Variants in DIAPH2 observed in about 807,000 individuals in gnomAD.
The protein encoded by DIAPH2 is diaphanous related formin 2, also known as protein diaphanous homolog 2.
In DIAPH2, 35 loss-of-function variants were observed where a neutral mutation model predicts 92.7. That is an observed-to-expected ratio of 0.38 (90% CI 0.29 to 0.50). The LOEUF (loss-of-function observed/expected upper bound fraction) is 0.50, where lower values mean the gene tolerates loss of function less well. DIAPH2 is among the 20% of genes least tolerant of loss of function. The pLI is 0.94. For synonymous variants in DIAPH2, 301 were observed against 280.4 expected, an observed-to-expected ratio of 1.07 and a Z score of -0.73; for missense variants, 701 against 819.5, an observed-to-expected ratio of 0.86 and a Z score of 1.77.
chrX:97,048,497 G>A (rs5966629), intron 17 of DIAPH2, among the ~76,000 whole-genome samples: 32,847 of 110,336 alleles, frequency 0.3, 4,430 homozygotes, highest in South Asian at 0.51. Flanking sequence ...TTTCGATTAA[G>A]GTATTATGTA....
At chrX:97,370,445 T>G (rs1602542394) in intron 24 of DIAPH2, among the ~76,000 whole-genome samples, 2 of 112,072 alleles carry the variant, frequency 1.8e-5, no homozygotes, top group African/African-American at 6.5e-5. Flanking sequence ...TGGAAAAAGA[T>G]TCTTGATTTT....
chrX:96,728,637 G>A (rs1222825014), intron 1 of DIAPH2, among the ~76,000 whole-genome samples: 1 of 112,342 alleles, frequency 8.9e-6, no homozygotes, highest in African/African-American at 3.2e-5. Context: ...TGAGAAATTT[G>A]TCCTTTTTTG....
intron 26 of DIAPH2, among the ~76,000 whole-genome samples, chrX:97,521,178 T>C (rs780800919): frequency 9.0e-6 from 1 of 111,625 alleles, no homozygotes; most frequent in South Asian, 3.8e-4. Context: ...GAGGAAGCAG[T>C]CCCTCACCAG....
At chrX:96,840,665 G>A (rs1230248723) in intron 4 of DIAPH2, among the ~76,000 whole-genome samples, 1 of 110,871 alleles carries the variant, frequency 9.0e-6, no homozygotes, top group Non-Finnish European at 1.9e-5. Flanking sequence ...CTGGGGTGCA[G>A]TGGCGTGATC....
chrX:97,114,837 T>G lies in DIAPH2; in HGVS notation c.2461T>G (p.Cys821Gly). The G allele has an allele frequency of 8.3e-7, 1 of 1,211,439 alleles. No individual in the cohort carries two copies. Among genetic ancestry groups the G allele is most frequent in the South Asian group, 1.8e-5 (1 of 56,889 alleles). ...AAGCATCATAGCAGTAACTCTTGCC[T>G]GTGAAGAACTGAAGAAAAGTGAAAG... is the stretch of plus-strand genomic sequence containing the variant. ...KPSIIAVTLA[C>G]EELKKSESFN... is the part of the protein sequence containing the mutation. The change falls in exon 21 of 27, where the codon TGT (cysteine) becomes GGT (glycine). Residue 821 changes from cysteine to glycine, a missense_variant. This residue lies in a region of DIAPH2 where 536 missense variants were observed against 599.3 expected (regional missense o/e 0.89). Coordinates refer to ENST00000324765, the MANE Select transcript of DIAPH2 (RefSeq NM_006729.5).
chrX:96,923,669 G>A (rs1361985671), intron 9 of DIAPH2, among the ~76,000 whole-genome samples: 1 of 111,474 alleles, frequency 9.0e-6, no homozygotes, highest in African/African-American at 3.3e-5. Flanking sequence ...GAATCATCAA[G>A]AAGTGACAAC....
chrX:97,516,627 G>T (rs908057305), intron 26 of DIAPH2, among the ~76,000 whole-genome samples: 1 of 112,343 alleles, frequency 8.9e-6, no homozygotes, highest in Admixed American at 9.4e-5. Flanking sequence ...AACGCAGCTT[G>T]TTTATCCTAC....
chrX:97,149,198 C>T (rs2067267455), intron 22 of DIAPH2, among the ~76,000 whole-genome samples: 2 of 111,615 alleles, frequency 1.8e-5, no homozygotes, highest in South Asian at 3.7e-4. Flanking sequence ...CTTATAGTGA[C>T]TTATAGGACC....
chrX:97,515,451 A>G (rs2147841235), intron 26 of DIAPH2, among the ~76,000 whole-genome samples: 1 of 112,255 alleles, frequency 8.9e-6, no homozygotes, highest in Admixed American at 9.4e-5. Flanking sequence ...TCAGATGGAA[A>G]TGCAGAAATC....
chrX:97,015,527 T>C (rs1302238407), intron 17 of DIAPH2, among the ~76,000 whole-genome samples: 2 of 111,707 alleles, frequency 1.8e-5, no homozygotes, highest in African/African-American at 6.5e-5. Context: ...AAGTATCCAA[T>C]ATGCTGACCT....
intron 12 of DIAPH2, 148 bp downstream of exon 12, chrX:96,939,530 GTA>G (rs775165873): frequency 0.32 from 23,987 of 75,734 alleles, 4,800 homozygotes; most frequent in South Asian, 0.44. Context: ...ATATATATAT[GTA>G]TATATATATG....
chrX:97,359,334 C>T (rs1057109808), intron 24 of DIAPH2, among the ~76,000 whole-genome samples: 4 of 110,693 alleles, frequency 3.6e-5, no homozygotes, highest in Non-Finnish European at 7.5e-5. Context: ...CTTTTTTAAT[C>T]ATTGCAAATT....
At chrX:97,041,725 A>G in intron 17 of DIAPH2, among the ~76,000 whole-genome samples, 1 of 111,888 alleles carries the variant, frequency 8.9e-6, no homozygotes, top group South Asian at 3.7e-4. Flanking sequence ...TTCCAAATAA[A>G]TAAATACCAG....
intron 22 of DIAPH2, among the ~76,000 whole-genome samples, chrX:97,213,075 A>ATGAAGATT (rs1159932771): frequency 4.5e-5 from 5 of 112,079 alleles, no homozygotes; most frequent in African/African-American, 1.6e-4. Flanking sequence ...TGGAATTCAC[A>ATGAAGATT]TGAAGATTTG....
chrX:97,425,203 GTCT>G (rs1193228490), intron 25 of DIAPH2, among the ~76,000 whole-genome samples: 5 of 110,758 alleles, frequency 4.5e-5, no homozygotes, highest in African/African-American at 1.3e-4. Context: ...TTCCTTCCCT[GTCT>G]TCTTTGCAAT....
At chrX:97,162,457 T>G (rs1394516680) in intron 22 of DIAPH2, among the ~76,000 whole-genome samples, 1 of 111,747 alleles carries the variant, frequency 8.9e-6, no homozygotes, top group Non-Finnish European at 1.9e-5. Context: ...AATTTTTCTG[T>G]TTTTATTGAG....
At chrX:96,694,528 A>G (rs975043433) in intron 1 of DIAPH2, among the ~76,000 whole-genome samples, 11 of 110,595 alleles carry the variant, frequency 9.9e-5, no homozygotes, top group Non-Finnish European at 1.5e-4. Flanking sequence ...TTTAGTAGAG[A>G]TGGGGTTTCC....
At chrX:97,409,411 T>C (rs1291121738) in intron 25 of DIAPH2, among the ~76,000 whole-genome samples, 4 of 111,463 alleles carry the variant, frequency 3.6e-5, no homozygotes, top group Non-Finnish European at 7.5e-5. Flanking sequence ...CATTCCAAGA[T>C]GGCCAAATAG....
rs781346787 is a variant in DIAPH2, at chrX:96,930,698, GT to G, written c.979-28del. The G allele has an allele frequency of 1.1e-5, 12 of 1,090,618 alleles. No homozygotes were observed. The East Asian group carries it at 1.6e-4, about 14-fold the overall frequency. The allele number at this position is 1,090,618 out of a possible 1,213,427, so 89.9% of individuals were successfully genotyped here. On this transcript the variant is annotated intron_variant, in intron 9 of 26. Coordinates refer to ENST00000324765, the MANE Select transcript of DIAPH2 (RefSeq NM_006729.5). Reference sequence around the variant, plus strand: ...ATGCATTATTTCATTAATTTAATGTGTTTTTTTAAAACAAAATTTGCTTTCT... The same window carrying G: ...ATGCATTATTTCATTAATTTAATGTGTTTTTTAAAACAAAATTTGCTTTCT...
Sources: allele counts gnomAD v4.1 joint callset (sites outside exome capture counted in the v4.1 genomes callset), GRCh38; gene constraint gnomAD v4.1.1; regional missense constraint gnomAD v4.1.1; transcripts MANE v1.5; gene names NCBI Gene and HGNC (gene_info 2026-07-23, HGNC 2026-07-21).